Variants in PRKD1 observed in about 807,000 individuals in gnomAD.
PRKD1 encodes the protein serine/threonine-protein kinase D1.
PRKD1 carries 63 observed loss-of-function variants against 95.9 expected under a neutral mutation model. That is an observed-to-expected ratio of 0.66 (90% confidence interval 0.54 to 0.81). The LOEUF (loss-of-function observed/expected upper bound fraction) is 0.81. Ranked by LOEUF, PRKD1 falls within the 30% of genes least tolerant of loss-of-function variation. The pLI, the probability that PRKD1 is intolerant of heterozygous loss-of-function variation, is 0.00. For synonymous variants in PRKD1, 425 were observed against 423.1 expected (o/e 1.00, Z -0.05); for missense variants, 1,048 against 1,165.3 (o/e 0.90, Z 1.47).
chr14:29,874,990 C>A (rs972781867), intron 1 of PRKD1, among the ~76,000 whole-genome samples: 7 of 152,100 alleles, frequency 4.6e-5, no homozygotes, highest in African/African-American at 1.7e-4. Context: ...AAGACTTGAT[C>A]ATTACACATT....
At chr14:29,646,762 A>G (rs1881152456) in intron 4 of PRKD1, among the ~76,000 whole-genome samples, 1 of 152,022 alleles carries the variant, frequency 6.6e-6, no homozygotes, top group African/African-American at 2.4e-5. Context: ...GAAAAAAAAA[A>G]AAACCCACAC....
At chr14:29,799,727 T>G (rs571525330) in intron 1 of PRKD1, among the ~76,000 whole-genome samples, 1 of 152,354 alleles carries the variant, frequency 6.6e-6, no homozygotes, top group African/African-American at 2.4e-5. Flanking sequence ...CAAATTCATC[T>G]ACTTGCTAAA....
chr14:29,659,315 G>A (rs1882064869), intron 4 of PRKD1, among the ~76,000 whole-genome samples: 1 of 152,150 alleles, frequency 6.6e-6, no homozygotes, highest in South Asian at 2.1e-4. Context: ...ATGTTGCAGA[G>A]TGAATCAATA....
In PRKD1 at chr14:29,927,491, G is replaced by A. The variant is rs1481132541; in HGVS notation, c.22C>T (p.Arg8Trp). ...ACGGGCAGCAGCGGACTGGGCGGCCGCAGGACCGGAGGGGCGCTCATCGCT... is the reference window on the plus strand; with the variant it reads ...ACGGGCAGCAGCGGACTGGGCGGCCACAGGACCGGAGGGGCGCTCATCGCT... MSAPPVLRPPSPLLPVAA... is the reference protein window; with the variant it reads MSAPPVLWPPSPLLPVAA... Residue 8 changes from arginine (R) to tryptophan (W), a missense_variant, in exon 1 of 18, where the codon CGG becomes TGG. By Grantham distance (101) the Arg-to-Trp change is moderately radical (BLOSUM62 -3). Transcript: ENST00000331968. 6 of 1,228,138 alleles carry A rather than the reference G, an allele frequency of 4.9e-6. No individual in the cohort carries two copies. The highest frequency in any genetic ancestry group is 3.5e-5 in the South Asian group (1 of 28,720). 76.1% of individuals were successfully genotyped at this position (1,228,138 alleles called of 1,614,324 possible).
Position 29,777,760 on chromosome 14 carries a change from A to C in PRKD1, c.265-52086T>G, listed in dbSNP as rs1040764308. Among the ~76,000 whole-genome samples the C allele has an allele frequency of 2.6e-5, 4 of 152,094 alleles. No individual in the cohort carries two copies. The East Asian group carries it at 5.8e-4, about 22-fold the overall frequency. ...CGAGACAGAAAGTTACCAAGGATAT[A>C]CAGGAATTGAACTCAGCTCTGCACC... On this transcript the variant is annotated intron_variant, in intron 1 of 17. Transcript: ENST00000331968.
At chr14:29,756,221 C>T (rs1465740728) in intron 1 of PRKD1, among the ~76,000 whole-genome samples, 1 of 152,066 alleles carries the variant, frequency 6.6e-6, no homozygotes, top group East Asian at 1.9e-4. Context: ...GTGACACAAA[C>T]TGAATTTTAA....
At chr14:29,880,374 C>T (rs1001731111) in intron 1 of PRKD1, among the ~76,000 whole-genome samples, 3 of 152,168 alleles carry the variant, frequency 2.0e-5, no homozygotes, top group East Asian at 1.9e-4. Flanking sequence ...TGGTGTTGAG[C>T]CTGCTGGTAC....
intron 1 of PRKD1, among the ~76,000 whole-genome samples, chr14:29,757,259 C>A (rs1007650070): frequency 6.6e-6 from 1 of 152,112 alleles, no homozygotes; most frequent in African/African-American, 2.4e-5. Context: ...TCATGCTAAA[C>A]CCAAAGGATT....
At chr14:29,666,402 G>C (rs1197758747) in intron 2 of PRKD1, among the ~76,000 whole-genome samples, 194 bp from the exon 3 acceptor site, 1 of 151,888 alleles carries the variant, frequency 6.6e-6, no homozygotes, top group African/African-American at 2.4e-5. Context: ...TGGTGGCACA[G>C]CAACCATCTC....
At position 29,725,577 on chromosome 14, in the gene PRKD1, C is replaced by T; in HGVS notation, c.362G>A (p.Ser121Asn). Reference protein sequence around the residue: ...ENILQLVKAASDIQEGDLIEV... With the variant: ...ENILQLVKAANDIQEGDLIEV... The stretch of plus-strand genomic sequence containing the variant: ...AATAAGATCGCCTTCCTGGATATCA[C>T]TGGCCGCTTTCACCAGCTGAAGGAT... The change falls in exon 2 of 18, where the codon AGT becomes AAT. Residue 121 changes from serine (S) to asparagine (N), a missense_variant. By Grantham distance (46) the Ser-to-Asn change is conservative. Transcript: ENST00000331968. 6.2e-7 allele frequency: 1 copy of T among 1,613,832 alleles called. No homozygotes were observed. Among genetic ancestry groups the T allele is most frequent in the Non-Finnish European group, 8.5e-7 (1 of 1,179,796 alleles).
At chr14:29,916,243 C>T (rs1358969085) in intron 1 of PRKD1, among the ~76,000 whole-genome samples, 1 of 152,200 alleles carries the variant, frequency 6.6e-6, no homozygotes, top group Non-Finnish European at 1.5e-5. Context: ...ACCTGTGATG[C>T]TCATGGAATT....
chr14:29,667,126 A>C (rs1264011971), intron 2 of PRKD1, among the ~76,000 whole-genome samples: 1 of 152,164 alleles, frequency 6.6e-6, no homozygotes, highest in Non-Finnish European at 1.5e-5. Flanking sequence ...ACCTATGTGC[A>C]CACAGTAAGC....
chr14:29,834,930 C>T (rs1891552920), intron 1 of PRKD1, among the ~76,000 whole-genome samples: 1 of 152,116 alleles, frequency 6.6e-6, no homozygotes, highest in South Asian at 2.1e-4. Context: ...TTTTTAAATG[C>T]CATGATTACC....
chr14:29,647,653 C>T (rs976131244), intron 4 of PRKD1, among the ~76,000 whole-genome samples: 1 of 152,200 alleles, frequency 6.6e-6, no homozygotes. Flanking sequence ...GCCTTGGAGA[C>T]ACCAAGCAGC....
At chr14:29,639,057 T>C (rs992177617) in intron 4 of PRKD1, among the ~76,000 whole-genome samples, 153 bp from the exon 5 acceptor site, 9 of 152,154 alleles carry the variant, frequency 5.9e-5, no homozygotes, top group Non-Finnish European at 1.3e-4. Flanking sequence ...TAATATAATT[T>C]ACTTGCCTTC....
intron 15 of PRKD1, 50 bp from the exon 16 acceptor site, chr14:29,597,808 G>A (rs756264186): frequency 7.0e-5 from 107 of 1,538,552 alleles, no homozygotes; most frequent in Admixed American, 3.2e-4. Context: ...TTGTGTGTCT[G>A]TGTGTCTTAG....
Position 29,659,134 on chromosome 14 carries a change from T to A in PRKD1, c.696+4565A>T, listed in dbSNP as rs139801255. Among the ~76,000 whole-genome samples, 803 of 152,310 alleles carry A rather than the reference T, an allele frequency of 5.3e-3. 4 individuals are homozygous for A. Among genetic ancestry groups the A allele is most frequent in the African/African-American group, 0.018 (759 of 41,576 alleles). ...ATCAAGATATATAATATTGCCAGCA[T>A]CCTAGAAAGCTCACTTCTGCTCCTT... On this transcript the variant is annotated intron_variant, in intron 4 of 17. Coordinates refer to ENST00000331968, the MANE Select transcript of PRKD1 (RefSeq NM_002742.3).
At chr14:29,840,788 A>G (rs983969176) in intron 1 of PRKD1, among the ~76,000 whole-genome samples, 1 of 152,150 alleles carries the variant, frequency 6.6e-6, no homozygotes, top group African/African-American at 2.4e-5. Context: ...ATAAAATCAG[A>G]TCTCTTGAGA....
intron 1 of PRKD1, among the ~76,000 whole-genome samples, chr14:29,831,370 G>A (rs1324143636): frequency 6.6e-6 from 1 of 151,816 alleles, no homozygotes; most frequent in Non-Finnish European, 1.5e-5. Flanking sequence ...AACAGTTTAA[G>A]GTCACAGTTA....
Sources: gnomAD v4.1 joint callset for allele counts (sites outside exome capture counted in the v4.1 genomes callset) on GRCh38, gnomAD v4.1.1 for gene constraint, MANE v1.5 for transcripts, NCBI Gene and HGNC (gene_info 2026-07-23, HGNC 2026-07-21) for gene names.